Variants in AK8 observed in about 807,000 individuals in gnomAD.
AK8 encodes the protein adenylate kinase 8, also known as ATP-AMP transphosphorylase 8.
A neutral mutation model predicts 54.6 loss-of-function variants in AK8; 44 were observed. The observed-to-expected ratio is 0.81, with a 90% CI of 0.63 to 1.04. The LOEUF (loss-of-function observed/expected upper bound fraction) is 1.04. Among genes scored for constraint, AK8 ranks in the 50% least tolerant of loss-of-function variants. AK8 has a pLI of 0.00. For missense variants in AK8, 555 were observed against 613.6 expected, an observed-to-expected ratio of 0.90 and a Z score of 1.01; for synonymous variants, 239 against 245.6, an observed-to-expected ratio of 0.97 and a Z score of 0.25.
intron 11 of AK8, among the ~76,000 whole-genome samples, chr9:132,764,945 A>G (rs1281663269): frequency 6.6e-6 from 1 of 152,210 alleles, no homozygotes; most frequent in Non-Finnish European, 1.5e-5. Context: ...ATGGACACAG[A>G]AGCAAAAATC....
At chr9:132,868,788 GTTTGTCACC>G (rs1843697358) in intron 2 of AK8, among the ~76,000 whole-genome samples, 1 of 152,160 alleles carries the variant, frequency 6.6e-6, no homozygotes, top group East Asian at 1.9e-4. Context: ...TATGGTCACT[GTTTGTCACC>G]TTTGTCACCA....
At chr9:132,876,877 A>T (rs1844127517) in intron 1 of AK8, among the ~76,000 whole-genome samples, 1 of 151,962 alleles carries the variant, frequency 6.6e-6, no homozygotes, top group Non-Finnish European at 1.5e-5. Flanking sequence ...CGGGCAACAT[A>T]GCAAGACCTC....
At chr9:132,873,813 A>G (rs1843964603) in intron 2 of AK8, among the ~76,000 whole-genome samples, 1 of 152,204 alleles carries the variant, frequency 6.6e-6, no homozygotes. Context: ...GGTCTGCAGC[A>G]GTAAGGACCA....
intron 9 of AK8, among the ~76,000 whole-genome samples, chr9:132,822,447 G>T (rs1005510584): frequency 1.3e-5 from 2 of 149,402 alleles, no homozygotes; most frequent in African/African-American, 5.0e-5. Flanking sequence ...AATTTGGGGG[G>T]GTTGTATGCA....
At chr9:132,758,540 C>T (rs1838299042) in intron 11 of AK8, among the ~76,000 whole-genome samples, 1 of 152,074 alleles carries the variant, frequency 6.6e-6, no homozygotes, top group South Asian at 2.1e-4. Context: ...ACCTCTGCTT[C>T]CCTGGTTCAA....
At chr9:132,793,529 C>T (rs1192901304) in intron 10 of AK8, among the ~76,000 whole-genome samples, 1 of 152,216 alleles carries the variant, frequency 6.6e-6, no homozygotes, top group Non-Finnish European at 1.5e-5. Flanking sequence ...GCCCACTCCC[C>T]TTTCCCAAAA....
chr9:132,730,716 G>A (rs746712865), intron 11 of AK8, among the ~76,000 whole-genome samples: 10 of 152,116 alleles, frequency 6.6e-5, no homozygotes, highest in Non-Finnish European at 1.5e-4. Context: ...GCACCCCAAA[G>A]GTCCTGTGAG....
intron 10 of AK8, among the ~76,000 whole-genome samples, chr9:132,809,889 C>T (rs1025135866): frequency 2.6e-5 from 4 of 152,248 alleles, no homozygotes; most frequent in African/African-American, 7.2e-5. Context: ...AGGCTGTGGT[C>T]GGCTAGGCAG....
chr9:132,872,015 C>A (rs1843861155), intron 2 of AK8, among the ~76,000 whole-genome samples: 1 of 152,172 alleles, frequency 6.6e-6, no homozygotes, highest in Admixed American at 6.5e-5. Context: ...GGCTGGGGAA[C>A]TAGGTAAGCC....
intron 10 of AK8, among the ~76,000 whole-genome samples, chr9:132,793,835 G>A (rs1231144650): frequency 6.6e-6 from 1 of 152,136 alleles, no homozygotes; most frequent in East Asian, 1.9e-4. Context: ...TATGACTGTG[G>A]CCCCATTGGA....
At chr9:132,863,559 A>T (rs1363169682) in intron 4 of AK8, 106 bp downstream of exon 4, 7 of 741,928 alleles carry the variant, frequency 9.4e-6, no homozygotes, top group Non-Finnish European at 1.1e-5. Context: ...TCTTGTACTC[A>T]ATCAAAAATG....
At chr9:132,757,336 C>G (rs1335660755) in intron 11 of AK8, among the ~76,000 whole-genome samples, 1 of 152,184 alleles carries the variant, frequency 6.6e-6, no homozygotes, top group Non-Finnish European at 1.5e-5. Context: ...CCGCTGGCCT[C>G]TGGGGAAGGA....
chr9:132,820,212 T>TG (rs544582308), intron 9 of AK8, among the ~76,000 whole-genome samples: 2 of 136,444 alleles, frequency 1.5e-5, no homozygotes, highest in Non-Finnish European at 3.1e-5. Flanking sequence ...ATGCTCACTG[T>TG]AAAAAAAAAA....
In AK8 at chr9:132,794,252, T is replaced by C. The variant is rs373718084; in HGVS notation, c.980-1477A>G. Among the ~76,000 whole-genome samples, 265 of 152,298 alleles carry C rather than the reference T, an allele frequency of 1.7e-3. 2 individuals carry two copies. Among genetic ancestry groups the C allele is most frequent in the Non-Finnish European group, 2.7e-3 (186 of 68,012 alleles). Reference sequence around the variant, plus strand: ...TGAGAAGTCACTTCAGCGAATCCCATCCCTTCCCCTGCTTCAAACCTGCAG... The same window carrying C: ...TGAGAAGTCACTTCAGCGAATCCCACCCCTTCCCCTGCTTCAAACCTGCAG... On this transcript the variant is annotated intron_variant, in intron 10 of 12. Transcript: ENST00000298545.
At chr9:132,765,691 A>T (rs1838698053) in intron 11 of AK8, among the ~76,000 whole-genome samples, 1 of 152,214 alleles carries the variant, frequency 6.6e-6, no homozygotes, top group Non-Finnish European at 1.5e-5. Context: ...ATACCTTAAC[A>T]CAATAAAGCT....
chr9:132,815,917 A>G (rs1264283491), intron 9 of AK8, among the ~76,000 whole-genome samples: 1 of 152,262 alleles, frequency 6.6e-6, no homozygotes, highest in East Asian at 1.9e-4. Flanking sequence ...GATAGCATGA[A>G]TGTTTAACAA....
chr9:132,811,823 A>T (rs1841029181), intron 10 of AK8, among the ~76,000 whole-genome samples: 1 of 152,192 alleles, frequency 6.6e-6, no homozygotes, highest in Non-Finnish European at 1.5e-5. Flanking sequence ...GCATTTTAGT[A>T]TTATTGAAGG....
chr9:132,786,211 A>G (rs959905333), intron 11 of AK8, among the ~76,000 whole-genome samples: 3 of 152,218 alleles, frequency 2.0e-5, no homozygotes, highest in Admixed American at 1.3e-4. Flanking sequence ...GGCTTGGTTG[A>G]AATTTGTTTC....
intron 5 of AK8, among the ~76,000 whole-genome samples, chr9:132,841,967 G>A (rs1410236662): frequency 2.0e-5 from 3 of 152,134 alleles, no homozygotes; most frequent in African/African-American, 7.2e-5. Context: ...CACCCTTAGG[G>A]TGCAGTGCTT....
Sources: allele counts gnomAD v4.1 joint callset (sites outside exome capture counted in the v4.1 genomes callset), GRCh38; gene constraint gnomAD v4.1.1; transcripts MANE v1.5; gene names NCBI Gene and HGNC (gene_info 2026-07-23, HGNC 2026-07-21).